NMB: variants seen among roughly 807,000 people sequenced by gnomAD.
The protein encoded by NMB is neuromedin-B.
A neutral mutation model predicts 11.7 loss-of-function variants in NMB; 12 were observed. That is an observed-to-expected ratio of 1.03 (90% CI 0.66 to 1.66). NMB has a LOEUF of 1.66. Among genes scored for constraint, NMB ranks in the 40% most tolerant of loss-of-function variants. NMB has a pLI of 0.00. For synonymous variants in NMB, 76 were observed against 72.6 expected (o/e 1.05, Z -0.24); for missense variants, 174 against 157.9 (o/e 1.10, Z -0.55).
chr15:84,657,938 G>A (rs2141853915), intron 1 of NMB, 58 bp downstream of exon 1: 2 of 1,529,208 alleles, frequency 1.3e-6, no homozygotes, highest in South Asian at 1.2e-5. Flanking sequence ...GGGTTGAGAA[G>A]GAAATGGGGT....
At chr15:84,656,391 G>A (rs1896783302) in intron 2 of NMB, among the ~76,000 whole-genome samples, 1 of 151,800 alleles carries the variant, frequency 6.6e-6, no homozygotes, top group African/African-American at 2.4e-5. Flanking sequence ...CTTGGCTCCA[G>A]CTTTGGAGTC....
chr15:84,658,021 G>A lies in NMB; in HGVS notation c.132C>T (p.His44=). The A allele has an allele frequency of 6.3e-7, 1 of 1,598,382 alleles. No homozygotes were observed. Among genetic ancestry groups the A allele is most frequent in the Non-Finnish European group, 8.5e-7 (1 of 1,173,502 alleles). The change falls in exon 1 of 3, where the codon CAC becomes CAT. Residue 44 remains histidine, a synonymous_variant. Coordinates refer to ENST00000360476, the MANE Select transcript of NMB (RefSeq NM_021077.4). ...CGGTGGCCCAGAGGTTGCCTCGCGAGTGCACTCGGATCTTGCTGGCTCGGC... is the reference window on the plus strand; with the variant it reads ...CGGTGGCCCAGAGGTTGCCTCGCGAATGCACTCGGATCTTGCTGGCTCGGC... ...PRSRASKIRV[H]SRGNLWATGH...
At chr15:84,657,371 C>A (rs1474820494) in intron 1 of NMB, 23 bp from the exon 2 acceptor site, 2 of 1,458,642 alleles carry the variant, frequency 1.4e-6, no homozygotes, top group East Asian at 2.8e-5. Flanking sequence ...TGTCCAGGCA[C>A]AAGGAAGTCA....
rs560761200 is a variant in NMB, at chr15:84,657,908, G to T, written c.157+88C>A. ...TCCACCTGCTCCGACACTAGTGTCCGTGGCTGAGGAGCGGCCAGAGGGTTG... is the reference window on the plus strand; with the variant it reads ...TCCACCTGCTCCGACACTAGTGTCCTTGGCTGAGGAGCGGCCAGAGGGTTG... On this transcript the variant is annotated intron_variant, in intron 1 of 2. Transcript: ENST00000360476. 131 of 1,435,560 alleles carry T rather than the reference G, an allele frequency of 9.1e-5. No homozygotes were observed. In the Middle Eastern group the frequency reaches 3.4e-3, roughly 38 times the overall value. The allele number at this position is 1,435,560 out of a possible 1,614,324, so 88.9% of individuals were successfully genotyped here.
At chr15:84,656,117 A>G (rs961006658) in intron 2 of NMB, among the ~76,000 whole-genome samples, 3 of 152,164 alleles carry the variant, frequency 2.0e-5, no homozygotes, top group Non-Finnish European at 4.4e-5. Flanking sequence ...GTCTCATTTA[A>G]TGGGAGATGG....
rs1191715340 is a variant in NMB at position 84,655,244 on chromosome 15, A to G, written c.*130T>C. 6.4e-7 allele frequency: 1 copy of G among 1,563,680 alleles called. No individual in the cohort carries two copies. The highest frequency in any genetic ancestry group is 1.9e-5 in the Admixed American group (1 of 52,970). ...TTCTGGTGACCCAGCCAGAAATCAC[A>G]GTAATGGAGTAACAGAGATTTGAGC... is the stretch of plus-strand genomic sequence containing the variant. On this transcript the variant is annotated 3_prime_UTR_variant, in exon 3 of 3. Transcript: ENST00000360476.
chr15:84,655,944 T>G (rs531178749), intron 2 of NMB, among the ~76,000 whole-genome samples: 1 of 152,236 alleles, frequency 6.6e-6, no homozygotes, highest in South Asian at 2.1e-4. Context: ...TTCTAGGGAA[T>G]GCCTCTCCCT....
Position 84,657,985 on chromosome 15 carries a change from C to G in NMB, c.157+11G>C. ...GAGGGGCGCTTGCTTGCTCCGTCCC[C>G]AAAGACTTACCGGTGGCCCAGAGGT... On this transcript the variant is annotated intron_variant, in intron 1 of 2. Coordinates refer to ENST00000360476, the MANE Select transcript of NMB (RefSeq NM_021077.4). 1.9e-6 allele frequency: 3 copies of G among 1,589,868 alleles called. No homozygotes were observed. Among genetic ancestry groups the G allele is most frequent in the Non-Finnish European group, 2.6e-6 (3 of 1,169,772 alleles).
At position 84,657,159 on chromosome 15, in the gene NMB, G is replaced by C; in HGVS notation, c.330+17C>G. 1 of 1,602,690 alleles carries C rather than the reference G, an allele frequency of 6.2e-7. No individual in the cohort carries two copies. Among genetic ancestry groups the C allele is most frequent in the Non-Finnish European group, 8.5e-7 (1 of 1,176,736 alleles). ...CCAGCTGGGCCCTCCTGACATTGGAGCAGGGGCCCGGCTCACCTGGATTTG... is the reference window on the plus strand; with the variant it reads ...CCAGCTGGGCCCTCCTGACATTGGACCAGGGGCCCGGCTCACCTGGATTTG... On this transcript the variant is annotated intron_variant, in intron 2 of 2. Transcript: ENST00000360476.
chr15:84,655,425 CAGA>C lies in NMB; in HGVS notation c.331-19_331-17del. On this transcript the variant is annotated splice_polypyrimidine_tract_variant and intron_variant, in intron 2 of 2. Transcript: ENST00000360476. The stretch of plus-strand genomic sequence containing the variant: ...GCCTCCTGTACTGAAGAGAAACATA[CAGA>C]AGAATTGAGCCAGGGAGGGGCTCCT... 6.2e-7 allele frequency: 1 copy of C among 1,613,444 alleles called. No homozygotes were observed. The highest frequency in any genetic ancestry group is 8.5e-7 in the Non-Finnish European group (1 of 1,179,918).
chr15:84,657,411 G>T (rs1478439509), intron 1 of NMB, 63 bp from the exon 2 acceptor site: 2 of 1,360,152 alleles, frequency 1.5e-6, no homozygotes, highest in African/African-American at 1.5e-5. Context: ...CAGAGGAAAA[G>T]TTCCTCATCT....
chr15:84,657,083 C>T, intron 2 of NMB, 93 bp downstream of exon 2: 3 of 1,221,144 alleles, frequency 2.5e-6, no homozygotes, highest in South Asian at 1.4e-5. Context: ...CAGTCACACC[C>T]TAATACAGTA....
Position 84,655,395 on chromosome 15 carries a change from C to T in NMB, c.345G>A (p.Leu115=). 1 of 1,614,078 alleles carries T rather than the reference C, an allele frequency of 6.2e-7. No homozygotes were observed. Among genetic ancestry groups the T allele is most frequent in the East Asian group, 2.2e-5 (1 of 44,886 alleles). Residue 115 remains leucine (L), a synonymous_variant, in exon 3 of 3, where the codon CTG becomes CTA. Transcript: ENST00000360476. ...PAPQIQYRRL[L]VQILQK Reference sequence around the variant, plus strand: ...GGTGTCATTTCTGCAGTATTTGTACCAGCAGCCTCCTGTACTGAAGAGAAA... The same window carrying T: ...GGTGTCATTTCTGCAGTATTTGTACTAGCAGCCTCCTGTACTGAAGAGAAA...
chr15:84,655,805 A>C (rs1896771865), intron 2 of NMB, among the ~76,000 whole-genome samples: 1 of 152,178 alleles, frequency 6.6e-6, no homozygotes, highest in Admixed American at 6.5e-5. Context: ...CAAGGGCATT[A>C]GAGGTGACAT....
Position 84,655,380 on chromosome 15 carries a change from C to T in NMB, c.360G>A (p.Gln120=). 4 of 1,614,210 alleles carry T rather than the reference C, an allele frequency of 2.5e-6. No homozygotes were observed. The highest frequency in any genetic ancestry group is 3.4e-6 in the Non-Finnish European group (4 of 1,180,032). Residue 120 remains glutamine (Q), a synonymous_variant, in exon 3 of 3, where the codon CAG becomes CAA. Coordinates refer to ENST00000360476, the MANE Select transcript of NMB (RefSeq NM_021077.4). ...QYRRLLVQIL[Q]K ...GTCTGCCCCATTATTGGTGTCATTT[C>T]TGCAGTATTTGTACCAGCAGCCTCC...
rs1179694355 is a variant in NMB, at chr15:84,657,329, C to T, written c.177G>A (p.Lys59=). 4 of 1,547,552 alleles carry T rather than the reference C, an allele frequency of 2.6e-6. No individual in the cohort carries two copies. The highest frequency in any genetic ancestry group is 2.4e-5 in the East Asian group (1 of 41,242). The part of the protein sequence containing the change: ...LWATGHFMGK[K]SLEPSSPSPL... The stretch of plus-strand genomic sequence containing the variant: ...GGGATGGGCTGGAAGGCTCCAGACT[C>T]TTCTTGCCCATGAAGTGACCTGGAA... The change falls in exon 2 of 3, where the codon AAG becomes AAA. Residue 59 remains lysine (K), a synonymous_variant. Coordinates refer to ENST00000360476, the MANE Select transcript of NMB (RefSeq NM_021077.4).
Position 84,657,328 on chromosome 15 carries a change from T to C in NMB, c.178A>G (p.Ser60Gly). 1 of 1,548,072 alleles carries C rather than the reference T, an allele frequency of 6.5e-7. No homozygotes were observed. The highest frequency in any genetic ancestry group is 8.7e-7 in the Non-Finnish European group (1 of 1,147,678). Residue 60 changes from serine to glycine, a missense_variant, in exon 2 of 3, where the codon AGT becomes GGT. Around this residue, in one of 2 missense-constraint regions of NMB, gnomAD observed 168 missense variants for 138.4 expected, o/e 1.21. Transcript: ENST00000360476. ...WATGHFMGKKSLEPSSPSPLG... is the reference protein window; with the variant it reads ...WATGHFMGKKGLEPSSPSPLG... ...GGGGATGGGCTGGAAGGCTCCAGACTCTTCTTGCCCATGAAGTGACCTGGA... is the reference window on the plus strand; with the variant it reads ...GGGGATGGGCTGGAAGGCTCCAGACCCTTCTTGCCCATGAAGTGACCTGGA...
chr15:84,655,892 C>G lies in NMB; in HGVS notation c.331-483G>C, dbSNP rs377214441. 1.7e-4 allele frequency among the ~76,000 whole-genome samples: 26 copies of G among 152,260 alleles called. No individual in the cohort carries two copies. The East Asian group carries it at 3.5e-3, about 20-fold the overall frequency. ...TCCTCAGGGGCTGCTGGTTCTGTGC[C>G]TCAGGAAGTCAGGGATGTTGGTTGA... On this transcript the variant is annotated intron_variant, in intron 2 of 2. Transcript: ENST00000360476.
chr15:84,657,464 C>T, intron 1 of NMB, 116 bp from the exon 2 acceptor site: 1 of 1,003,382 alleles, frequency 1.0e-6, no homozygotes, highest in Non-Finnish European at 1.4e-6. Context: ...ACTTAACCTT[C>T]CTCCTCTTGG....
Sources: gnomAD v4.1 joint callset for allele counts (sites outside exome capture counted in the v4.1 genomes callset) on GRCh38, gnomAD v4.1.1 for gene constraint, gnomAD v4.1.1 regional missense constraint, MANE v1.5 for transcripts, NCBI Gene and HGNC (gene_info 2026-07-23, HGNC 2026-07-21) for gene names.